SPCS2: variants seen among roughly 807,000 people sequenced by gnomAD.
The protein encoded by SPCS2 is SPase 25 kDa subunit.
Under a neutral mutation model 22.3 loss-of-function variants are expected in SPCS2, and 3 were observed. That is an observed-to-expected ratio of 0.13 (90% confidence interval 0.06 to 0.35). The LOEUF (loss-of-function observed/expected upper bound fraction) is 0.35, where lower values mean the gene tolerates loss of function less well. SPCS2 is among the 10% of genes least tolerant of loss of function. The pLI is 1.00. For synonymous variants in SPCS2, 67 were observed against 97.2 expected (o/e 0.69, Z 1.83); for missense variants, 169 against 280.9 (o/e 0.60, Z 2.85).
intron 1 of SPCS2, among the ~76,000 whole-genome samples, chr11:74,953,346 C>A (rs1266305430): frequency 3.3e-5 from 5 of 152,010 alleles, no homozygotes; most frequent in Admixed American, 2.6e-4. Flanking sequence ...GCATGTGCCT[C>A]CATACCCGGC....
intron 4 of SPCS2, among the ~76,000 whole-genome samples, chr11:74,976,172 A>G (rs1300916195): frequency 6.6e-6 from 1 of 152,214 alleles, no homozygotes; most frequent in Non-Finnish European, 1.5e-5. Flanking sequence ...TTGATTGCCT[A>G]CTAGAAGCCC....
intron 1 of SPCS2, among the ~76,000 whole-genome samples, chr11:74,955,305 G>C (rs1948471430): frequency 6.6e-6 from 1 of 152,122 alleles, no homozygotes; most frequent in South Asian, 2.1e-4. Context: ...TTATCATAAT[G>C]GCCTAAAGGT....
At chr11:74,964,107 A>G (rs1199660607) in intron 1 of SPCS2, among the ~76,000 whole-genome samples, 1 of 152,208 alleles carries the variant, frequency 6.6e-6, no homozygotes, top group Non-Finnish European at 1.5e-5. Flanking sequence ...TGTTTAACCA[A>G]TCCCCTTGTA....
At chr11:74,956,895 T>C (rs1948482239) in intron 1 of SPCS2, among the ~76,000 whole-genome samples, 1 of 152,058 alleles carries the variant, frequency 6.6e-6, no homozygotes, top group Non-Finnish European at 1.5e-5. Flanking sequence ...GGGATTTTGG[T>C]GTACTGTTTT....
intron 1 of SPCS2, among the ~76,000 whole-genome samples, chr11:74,963,980 A>T (rs1353417648): frequency 6.6e-6 from 1 of 152,324 alleles, no homozygotes. Flanking sequence ...CATTTGAGAA[A>T]ATTTTTTACT....
intron 4 of SPCS2, 77 bp downstream of exon 4, chr11:74,969,776 T>C: frequency 1.3e-6 from 2 of 1,514,378 alleles, no homozygotes; most frequent in Non-Finnish European, 1.8e-6. Context: ...ACAGAAGACT[T>C]ATTATGTGCC....
chr11:74,972,807 GAC>G (rs1217172672), intron 4 of SPCS2, among the ~76,000 whole-genome samples: 1 of 149,420 alleles, frequency 6.7e-6, no homozygotes, highest in African/African-American at 2.5e-5. Flanking sequence ...AAGGTTATAA[GAC>G]AATATAAAAT....
intron 1 of SPCS2, among the ~76,000 whole-genome samples, chr11:74,960,950 T>C (rs1032946074): frequency 4.6e-5 from 7 of 152,120 alleles, no homozygotes; most frequent in Non-Finnish European, 8.8e-5. Flanking sequence ...ATTTTGACCA[T>C]GTTTACATTT....
intron 1 of SPCS2, among the ~76,000 whole-genome samples, chr11:74,960,454 A>G (rs1246032631): frequency 1.3e-5 from 2 of 151,404 alleles, no homozygotes; most frequent in Non-Finnish European, 2.9e-5. Context: ...GGGAGGTTCA[A>G]CATTTTTGAT....
At chr11:74,955,063 A>G (rs1353548594) in intron 1 of SPCS2, among the ~76,000 whole-genome samples, 3 of 152,214 alleles carry the variant, frequency 2.0e-5, no homozygotes, top group African/African-American at 7.2e-5. Flanking sequence ...AAGGGGGAAA[A>G]AAAAGGAAAA....
chr11:74,959,012 T>C (rs555990795), intron 1 of SPCS2, among the ~76,000 whole-genome samples: 1 of 152,238 alleles, frequency 6.6e-6, no homozygotes, highest in African/African-American at 2.4e-5. Flanking sequence ...TTTAGCCTAA[T>C]AACTAGGAAA....
In SPCS2 at chr11:74,976,756, C is replaced by T. The variant is rs2140222797; in HGVS notation, c.495-101C>T. On this transcript the variant is annotated intron_variant, in intron 4 of 4. Transcript: ENST00000263672. Reference sequence around the variant, plus strand: ...TGTGTTTGTTCCCTGTATCACCGTGCCCAGCTTACTCCTTTTCTTCGGAAA... The same window carrying T: ...TGTGTTTGTTCCCTGTATCACCGTGTCCAGCTTACTCCTTTTCTTCGGAAA... 5 of 1,461,896 alleles carry T rather than the reference C, an allele frequency of 3.4e-6. No individual in the cohort carries two copies. In the East Asian group the frequency reaches 1.1e-4, roughly 33 times the overall value. 90.6% of individuals were successfully genotyped at this position (1,461,896 alleles called of 1,614,324 possible).
Position 74,977,181 on chromosome 11 carries a change from A to G in SPCS2, c.*138A>G, listed in dbSNP as rs1247960556. 4 of 1,362,760 alleles carry G rather than the reference A, an allele frequency of 2.9e-6. No homozygotes were observed. The highest frequency in any genetic ancestry group is 3.9e-6 in the Non-Finnish European group (4 of 1,035,692). The allele number at this position is 1,362,760 out of a possible 1,614,324, so 84.4% of individuals were successfully genotyped here. A position where few individuals can be genotyped will look rare whatever the true frequency, so the allele number is the denominator to read the frequency against. On this transcript the variant is annotated 3_prime_UTR_variant, in exon 5 of 5. Transcript: ENST00000263672. The stretch of plus-strand genomic sequence containing the variant: ...CTGTTTTGTCCTGAAATTTTAGTCT[A>G]TTCTGGGTAAATAGGATTTTCTGAC...
At chr11:74,962,819 C>G (rs1402251455) in intron 1 of SPCS2, among the ~76,000 whole-genome samples, 1 of 152,186 alleles carries the variant, frequency 6.6e-6, no homozygotes, top group African/African-American at 2.4e-5. Context: ...TGTTTCTTTT[C>G]CACTTACTGA....
chr11:74,967,698 G>A (rs1216489052), intron 3 of SPCS2, among the ~76,000 whole-genome samples: 1 of 152,186 alleles, frequency 6.6e-6, no homozygotes. Flanking sequence ...ACAGTGAGCC[G>A]AGATCTGCTA....
intron 1 of SPCS2, among the ~76,000 whole-genome samples, chr11:74,964,643 AT>A (rs1948532950): frequency 6.6e-6 from 1 of 152,184 alleles, no homozygotes; most frequent in African/African-American, 2.4e-5. Flanking sequence ...CTGTACTCAC[AT>A]TTCGGTAAAA....
intron 3 of SPCS2, among the ~76,000 whole-genome samples, chr11:74,967,869 G>A (rs1948556380): frequency 6.6e-6 from 1 of 152,138 alleles, no homozygotes; most frequent in Admixed American, 6.6e-5. Flanking sequence ...GGGATGTTGA[G>A]GCTGCAGTGA....
chr11:74,970,053 C>T (rs766809948), intron 4 of SPCS2, among the ~76,000 whole-genome samples: 5 of 152,182 alleles, frequency 3.3e-5, no homozygotes, highest in Non-Finnish European at 5.9e-5. Context: ...CTTCTCTCCA[C>T]GAATACAATC....
chr11:74,974,774 C>T (rs1948605923), intron 4 of SPCS2, among the ~76,000 whole-genome samples: 1 of 152,148 alleles, frequency 6.6e-6, no homozygotes, highest in Non-Finnish European at 1.5e-5. Flanking sequence ...GCCACCACGT[C>T]TGGCTAATTT....
Sources: allele counts gnomAD v4.1 joint callset (sites outside exome capture counted in the v4.1 genomes callset), GRCh38; gene constraint gnomAD v4.1.1; transcripts MANE v1.5; gene names NCBI Gene and HGNC (gene_info 2026-07-23, HGNC 2026-07-21).